The following CEP112 variants were observed in gnomAD, a reference collection of about 807,000 sequenced individuals.
CEP112 encodes centrosomal protein of 112 kDa.
Under a neutral mutation model 153.0 loss-of-function variants are expected in CEP112, and 127 were observed. That is an observed-to-expected ratio of 0.83 (90% CI 0.72 to 0.96). CEP112 has a LOEUF of 0.96. Among genes scored for constraint, CEP112 ranks in the 40% least tolerant of loss-of-function variants. The probability of loss-of-function intolerance (pLI) is 0.00; values close to 1 mark genes in which losing one functional copy is unlikely to be tolerated. For synonymous variants in CEP112, 358 were observed against 374.4 expected, an observed-to-expected ratio of 0.96 and a Z score of 0.51; for missense variants, 1,089 against 1,101.2, an observed-to-expected ratio of 0.99 and a Z score of 0.16.
intron 23 of CEP112, among the ~76,000 whole-genome samples, chr17:65,741,048 C>T (rs1300139893): frequency 6.6e-6 from 1 of 152,150 alleles, no homozygotes; most frequent in Non-Finnish European, 1.5e-5. Context: ...TGGCTTGAAA[C>T]TGCCTCTGCC....
chr17:65,944,215 G>C (rs900273314), intron 18 of CEP112, among the ~76,000 whole-genome samples: 10 of 152,216 alleles, frequency 6.6e-5, no homozygotes, highest in African/African-American at 1.2e-4. Flanking sequence ...AATGCATGTG[G>C]GTCTTAATAC....
At chr17:65,969,480 G>A (rs1568309767) in intron 17 of CEP112, among the ~76,000 whole-genome samples, 1 of 152,088 alleles carries the variant, frequency 6.6e-6, no homozygotes, top group Non-Finnish European at 1.5e-5. Context: ...TGTAATGCAT[G>A]CATATTACAC....
At chr17:66,037,010 G>A (rs1415102795) in intron 12 of CEP112, among the ~76,000 whole-genome samples, 1 of 152,060 alleles carries the variant, frequency 6.6e-6, no homozygotes, top group East Asian at 1.9e-4. Context: ...TATAATAAAG[G>A]GCTGGCTAGT....
intron 8 of CEP112, among the ~76,000 whole-genome samples, chr17:66,074,873 G>GAAAAAAAAA (rs1242846957): frequency 2.2e-5 from 2 of 91,276 alleles, no homozygotes; most frequent in Non-Finnish European, 2.3e-5. Flanking sequence ...AAAAAAAAAA[G>GAAAAAAAAA]AAAAAAAAAA....
At chr17:65,969,807 A>G (rs2062583872) in intron 17 of CEP112, among the ~76,000 whole-genome samples, 1 of 150,006 alleles carries the variant, frequency 6.7e-6, no homozygotes, top group South Asian at 2.2e-4. Context: ...CATCACATGT[A>G]TATTACCTGC....
intron 19 of CEP112, among the ~76,000 whole-genome samples, chr17:65,923,104 T>C (rs1233635025): frequency 6.6e-6 from 1 of 152,188 alleles, no homozygotes; most frequent in Admixed American, 6.5e-5. Context: ...TCAGTTGCCA[T>C]CCCATATTAA....
chr17:66,150,860 T>C (rs1424069025), intron 4 of CEP112, among the ~76,000 whole-genome samples: 2 of 152,264 alleles, frequency 1.3e-5, no homozygotes, highest in Non-Finnish European at 2.9e-5. Context: ...TCATGTATTT[T>C]TGAAGCTCTT....
chr17:65,953,977 G>T (rs2061923573), intron 18 of CEP112, among the ~76,000 whole-genome samples: 1 of 152,194 alleles, frequency 6.6e-6, no homozygotes, highest in African/African-American at 2.4e-5. Flanking sequence ...GGGCAAGTTT[G>T]CATCCTCCCT....
At position 65,996,595 on chromosome 17, in the gene CEP112, C is replaced by G. The variant is rs180848662; in HGVS notation, c.1736+9095G>C. Among the ~76,000 whole-genome samples the G allele has an allele frequency of 1.8e-3, 279 of 152,272 alleles. 4 individuals carry two copies. The highest frequency in any genetic ancestry group is 1.3e-3 in the Non-Finnish European group (91 of 68,034). Reference sequence around the variant, plus strand: ...CTCTCCATCACGGGCTCACCACTGTCCCAGAGTCCACTGTCTCTTACATGG... The same window carrying G: ...CTCTCCATCACGGGCTCACCACTGTGCCAGAGTCCACTGTCTCTTACATGG... On this transcript the variant is annotated intron_variant, in intron 17 of 26. Coordinates refer to ENST00000535342, the MANE Select transcript of CEP112 (RefSeq NM_001199165.4).
At chr17:66,049,112 A>G (rs2066335264) in intron 12 of CEP112, among the ~76,000 whole-genome samples, 1 of 152,194 alleles carries the variant, frequency 6.6e-6, no homozygotes, top group African/African-American at 2.4e-5. Context: ...GGAGAGTTCA[A>G]CAGTGGTCCT....
intron 21 of CEP112, among the ~76,000 whole-genome samples, chr17:65,763,601 A>G (rs758285351): frequency 2.9e-4 from 44 of 151,720 alleles, no homozygotes; most frequent in Non-Finnish European, 5.2e-4. Context: ...CAGTCTACTG[A>G]TGAGTCTATC....
intron 20 of CEP112, among the ~76,000 whole-genome samples, chr17:65,860,994 G>A (rs2058295609): frequency 6.6e-6 from 1 of 152,198 alleles, no homozygotes; most frequent in African/African-American, 2.4e-5. Context: ...AGTGAAGGAA[G>A]CCAGTCACAA....
chr17:65,645,860 A>G (rs969768852), intron 24 of CEP112, among the ~76,000 whole-genome samples: 3 of 152,220 alleles, frequency 2.0e-5, no homozygotes, highest in Non-Finnish European at 2.9e-5. Flanking sequence ...GAATGGAACC[A>G]GCTATTTGCT....
intron 21 of CEP112, among the ~76,000 whole-genome samples, chr17:65,823,999 A>C (rs1483061986): frequency 6.6e-6 from 1 of 152,220 alleles, no homozygotes; most frequent in African/African-American, 2.4e-5. Flanking sequence ...TGCTGGTGGG[A>C]GTGCAAAATT....
intron 21 of CEP112, among the ~76,000 whole-genome samples, chr17:65,822,067 G>A (rs1395280674): frequency 2.0e-5 from 3 of 151,612 alleles, no homozygotes; most frequent in South Asian, 2.1e-4. Context: ...TAGCATACAT[G>A]CATATATAAT....
At chr17:66,004,130 T>C (rs2064172653) in intron 17 of CEP112, among the ~76,000 whole-genome samples, 1 of 152,060 alleles carries the variant, frequency 6.6e-6, no homozygotes, top group Admixed American at 6.5e-5. Flanking sequence ...AAGTAGTTAA[T>C]TATTTTAAAG....
At chr17:65,907,196 T>C (rs2060115375) in intron 19 of CEP112, among the ~76,000 whole-genome samples, 1 of 152,194 alleles carries the variant, frequency 6.6e-6, no homozygotes, top group Non-Finnish European at 1.5e-5. Flanking sequence ...TGTTCTGTAC[T>C]CTAGTAGTAA....
chr17:65,704,429 ACAC>A (rs2048809663), intron 23 of CEP112, among the ~76,000 whole-genome samples: 1 of 150,644 alleles, frequency 6.6e-6, no homozygotes, highest in African/African-American at 2.4e-5. Context: ...ATACACACAC[ACAC>A]ACACACACAC....
At chr17:66,014,200 G>C (rs1450847172) in intron 16 of CEP112, among the ~76,000 whole-genome samples, 3 of 152,196 alleles carry the variant, frequency 2.0e-5, no homozygotes, top group Non-Finnish European at 4.4e-5. Context: ...GGCTGCAGTA[G>C]AGGGAGAGTG....
Sources: gnomAD v4.1 joint callset for allele counts (sites outside exome capture counted in the v4.1 genomes callset) on GRCh38, gnomAD v4.1.1 for gene constraint, MANE v1.5 for transcripts, NCBI Gene and HGNC (gene_info 2026-07-23, HGNC 2026-07-21) for gene names.